The following MTUS2 variants were observed in gnomAD, a reference collection of about 807,000 sequenced individuals.
The protein encoded by MTUS2 is microtubule-associated tumor suppressor candidate 2.
Under a neutral mutation model 114.1 loss-of-function variants are expected in MTUS2, and 40 were observed. That is an observed-to-expected ratio of 0.35 (90% CI 0.27 to 0.46). MTUS2 has a LOEUF of 0.46. MTUS2 is among the 20% of genes least tolerant of loss of function. The pLI is 1.00. For synonymous variants in MTUS2, 688 were observed against 672.0 expected (o/e 1.02, Z -0.37); for missense variants, 1,679 against 1,705.4 (o/e 0.98, Z 0.27).
In MTUS2 at chr13:28,846,444, A is replaced by G. The variant is rs1458895353; in HGVS notation, c.-243+6594A>G. Among the ~76,000 whole-genome samples the G allele has an allele frequency of 2.6e-5, 4 of 152,236 alleles. No homozygotes were observed. The East Asian group carries it at 7.7e-4, about 29-fold the overall frequency. On this transcript the variant is annotated intron_variant, in intron 2 of 15. Coordinates refer to ENST00000612955, the MANE Select transcript of MTUS2 (RefSeq NM_001033602.4). ...AACATCCACCAGGACATACAGATAC[A>G]CTTCTCAGTCCATCAAGTCAAAAGC...
intron 4 of MTUS2, among the ~76,000 whole-genome samples, chr13:29,052,829 C>T (rs1887965345): frequency 6.6e-6 from 1 of 152,146 alleles, no homozygotes; most frequent in African/African-American, 2.4e-5. Flanking sequence ...CCATAATCCC[C>T]ATGTGTTGTG....
At chr13:29,232,471 G>C (rs79988052) in intron 5 of MTUS2, among the ~76,000 whole-genome samples, 8 of 152,234 alleles carry the variant, frequency 5.3e-5, no homozygotes, top group South Asian at 2.1e-4. Flanking sequence ...TAGCCATTGG[G>C]GGGGAAGAGT....
At chr13:29,046,477 A>C (rs1384521967) in intron 4 of MTUS2, among the ~76,000 whole-genome samples, 1 of 152,296 alleles carries the variant, frequency 6.6e-6, no homozygotes, top group East Asian at 1.9e-4. Flanking sequence ...ATTTGACATT[A>C]TTGATTACTC....
chr13:29,145,974 C>T (rs1394036491), intron 5 of MTUS2, among the ~76,000 whole-genome samples: 3 of 152,166 alleles, frequency 2.0e-5, no homozygotes, highest in African/African-American at 7.2e-5. Flanking sequence ...CCTGACTCAG[C>T]CAACACTCTT....
intron 8 of MTUS2, among the ~76,000 whole-genome samples, chr13:29,390,901 G>C (rs191149983): frequency 6.6e-6 from 1 of 151,736 alleles, no homozygotes; most frequent in Non-Finnish European, 1.5e-5. Flanking sequence ...TCCTGCCTCA[G>C]CCTCTGGAAT....
At chr13:29,280,198 A>G (rs898956617) in intron 5 of MTUS2, among the ~76,000 whole-genome samples, 4 of 152,216 alleles carry the variant, frequency 2.6e-5, no homozygotes, top group African/African-American at 9.6e-5. Flanking sequence ...TTAGGTTTGC[A>G]TCAAACATAT....
intron 2 of MTUS2, among the ~76,000 whole-genome samples, chr13:28,846,592 G>A (rs1372113481): frequency 6.6e-5 from 10 of 152,158 alleles, no homozygotes; most frequent in African/African-American, 9.7e-5. Context: ...CTTACAGTGC[G>A]TTTTTAATAG....
At chr13:28,862,448 TAAAAATTCA>T (rs939790506) in intron 2 of MTUS2, among the ~76,000 whole-genome samples, 17 of 152,120 alleles carry the variant, frequency 1.1e-4, no homozygotes, top group African/African-American at 4.1e-4. Flanking sequence ...CTGTCTCTAC[TAAAAATTCA>T]AAAAAATTAG....
chr13:29,412,906 T>C (rs182720043), intron 8 of MTUS2, among the ~76,000 whole-genome samples: 48 of 152,240 alleles, frequency 3.2e-4, no homozygotes, highest in African/African-American at 1.1e-3. Context: ...ATCCACTTTC[T>C]CGTCTTTACC....
intron 1 of MTUS2, among the ~76,000 whole-genome samples, chr13:28,829,287 A>C (rs548652111): frequency 6.6e-6 from 1 of 152,044 alleles, no homozygotes; most frequent in African/African-American, 2.4e-5. Flanking sequence ...GCACTTAGAG[A>C]GGCTGAGACA....
At chr13:29,207,373 C>T (rs368251383) in intron 5 of MTUS2, among the ~76,000 whole-genome samples, 10 of 152,168 alleles carry the variant, frequency 6.6e-5, no homozygotes, top group East Asian at 1.9e-4. Flanking sequence ...TGGTGAACAG[C>T]GACAGTTTCA....
intron 1 of MTUS2, among the ~76,000 whole-genome samples, chr13:28,839,103 G>T (rs1403763167): frequency 6.6e-6 from 1 of 152,044 alleles, no homozygotes; most frequent in Non-Finnish European, 1.5e-5. Context: ...ATAATAGCAG[G>T]CATTCTGTGG....
chr13:28,886,436 C>T (rs1338323909), intron 2 of MTUS2, among the ~76,000 whole-genome samples: 1 of 152,004 alleles, frequency 6.6e-6, no homozygotes, highest in Non-Finnish European at 1.5e-5. Context: ...ATTTTACTTT[C>T]CAGGCTGAGC....
intron 5 of MTUS2, among the ~76,000 whole-genome samples, chr13:29,115,729 G>T (rs1261203316): frequency 1.3e-5 from 2 of 152,194 alleles, no homozygotes; most frequent in African/African-American, 4.8e-5. Flanking sequence ...TGGACTGGTA[G>T]CCAGGACCAC....
At chr13:28,882,073 T>C (rs1425051900) in intron 2 of MTUS2, among the ~76,000 whole-genome samples, 2 of 152,192 alleles carry the variant, frequency 1.3e-5, no homozygotes, top group Non-Finnish European at 2.9e-5. Flanking sequence ...TCAATTTTTT[T>C]TTTTGAGACG....
intron 2 of MTUS2, among the ~76,000 whole-genome samples, chr13:28,966,417 G>A (rs1883584465): frequency 6.6e-6 from 1 of 152,036 alleles, no homozygotes; most frequent in South Asian, 2.1e-4. Flanking sequence ...TCATGTTTAT[G>A]CCTAATTCAA....
At chr13:29,444,726 G>A (rs1878148650) in intron 9 of MTUS2, among the ~76,000 whole-genome samples, 1 of 152,128 alleles carries the variant, frequency 6.6e-6, no homozygotes, top group South Asian at 2.1e-4. Flanking sequence ...CCCATCATGG[G>A]GGGCCCTGGG....
intron 5 of MTUS2, among the ~76,000 whole-genome samples, chr13:29,182,051 T>C (rs1195633604): frequency 6.6e-6 from 1 of 152,230 alleles, no homozygotes. Context: ...GTGTATCTCT[T>C]TCTCCCTTGG....
At chr13:29,109,230 A>G (rs1216737043) in intron 5 of MTUS2, among the ~76,000 whole-genome samples, 1 of 152,248 alleles carries the variant, frequency 6.6e-6, no homozygotes, top group African/African-American at 2.4e-5. Flanking sequence ...ATACATATGC[A>G]TTGTGAAATG....
Sources: allele counts gnomAD v4.1 joint callset (sites outside exome capture counted in the v4.1 genomes callset), GRCh38; gene constraint gnomAD v4.1.1; transcripts MANE v1.5; gene names NCBI Gene and HGNC (gene_info 2026-07-23, HGNC 2026-07-21).